Variants in MARCHF3 observed in about 807,000 individuals in gnomAD.
MARCHF3 encodes E3 ubiquitin-protein ligase MARCHF3.
MARCHF3 carries 13 observed loss-of-function variants against 24.2 expected under a neutral mutation model. The ratio of observed to expected loss-of-function variants is 0.54; its 90% confidence interval spans 0.35 to 0.85. MARCHF3 has a LOEUF of 0.85. MARCHF3 is among the 40% of genes least tolerant of loss of function. The pLI is 0.01. For missense variants in MARCHF3, 276 were observed against 325.0 expected (o/e 0.85, Z 1.16); for synonymous variants, 144 against 137.3 (o/e 1.05, Z -0.34).
chr5:127,001,945 G>A (rs1349385092), intron 1 of MARCHF3, among the ~76,000 whole-genome samples: 2 of 152,232 alleles, frequency 1.3e-5, no homozygotes, highest in African/African-American at 4.8e-5. Context: ...TACTTTATAG[G>A]AGACTCAAGG....
intron 1 of MARCHF3, among the ~76,000 whole-genome samples, chr5:126,963,210 C>T (rs981824386): frequency 6.6e-6 from 1 of 152,062 alleles, no homozygotes; most frequent in East Asian, 1.9e-4. Context: ...AATGACCAGT[C>T]TTATAGTTTG....
At chr5:126,990,350 A>T (rs1243031123) in intron 1 of MARCHF3, among the ~76,000 whole-genome samples, 1 of 152,174 alleles carries the variant, frequency 6.6e-6, no homozygotes, top group African/African-American at 2.4e-5. Context: ...CCATATGTAG[A>T]AAGCTGAAAC....
intron 1 of MARCHF3, among the ~76,000 whole-genome samples, chr5:126,947,727 TCAAA>T (rs779565607): frequency 5.1e-4 from 77 of 152,174 alleles, no homozygotes; most frequent in Non-Finnish European, 9.9e-4. Context: ...AAAAATGAAC[TCAAA>T]CAAATTGAAT....
intron 1 of MARCHF3, among the ~76,000 whole-genome samples, chr5:126,963,135 C>A (rs554007703): frequency 3.9e-5 from 6 of 152,212 alleles, no homozygotes; most frequent in African/African-American, 1.4e-4. Flanking sequence ...TGAGTAGCCA[C>A]TCAATAGAGT....
intron 2 of MARCHF3, among the ~76,000 whole-genome samples, chr5:126,917,667 T>C (rs958913572): frequency 6.6e-6 from 1 of 152,190 alleles, no homozygotes; most frequent in African/African-American, 2.4e-5. Flanking sequence ...AGGACCACCT[T>C]TGTTACCTAC....
At chr5:126,878,433 G>A (rs1362257357) in intron 3 of MARCHF3, 39 bp from the exon 4 acceptor site, 1 of 1,572,040 alleles carries the variant, frequency 6.4e-7, no homozygotes, top group Non-Finnish European at 8.7e-7. Flanking sequence ...CAAGGGAGAG[G>A]GTTAAATGCC....
intron 1 of MARCHF3, among the ~76,000 whole-genome samples, chr5:126,949,780 G>T (rs528777331): frequency 2.1e-4 from 32 of 152,252 alleles, no homozygotes; most frequent in African/African-American, 7.2e-4. Context: ...GGGATTAGGC[G>T]ATCTGAGAAG....
intron 1 of MARCHF3, among the ~76,000 whole-genome samples, chr5:126,919,037 A>G (rs1749009289): frequency 6.6e-6 from 1 of 152,228 alleles, no homozygotes; most frequent in Admixed American, 6.5e-5. Context: ...AGAACGTGAG[A>G]AAATAATGAA....
chr5:126,875,177 T>C (rs558705889), intron 4 of MARCHF3, among the ~76,000 whole-genome samples: 1 of 152,274 alleles, frequency 6.6e-6, no homozygotes, highest in African/African-American at 2.4e-5. Context: ...ACTTGTGACA[T>C]GGACAGTGAT....
chr5:127,000,510 A>C (rs951723277), intron 1 of MARCHF3, among the ~76,000 whole-genome samples: 1 of 152,116 alleles, frequency 6.6e-6, no homozygotes, highest in Non-Finnish European at 1.5e-5. Context: ...AACAAGTGGG[A>C]CCAGGGAGAA....
At chr5:126,980,375 C>CT (rs113887843) in intron 1 of MARCHF3, among the ~76,000 whole-genome samples, 1,827 of 142,806 alleles carry the variant, frequency 0.013, 25 homozygotes, top group East Asian at 0.03. Flanking sequence ...TGATTCATTC[C>CT]TTTTTTTTTT....
chr5:126,910,892 G>A (rs1464120446), intron 3 of MARCHF3, among the ~76,000 whole-genome samples: 4 of 152,162 alleles, frequency 2.6e-5, no homozygotes, highest in Admixed American at 6.5e-5. Context: ...GAGAAATATC[G>A]CTGAATTCTT....
chr5:126,977,803 C>T (rs377378634), intron 1 of MARCHF3, among the ~76,000 whole-genome samples: 4 of 152,138 alleles, frequency 2.6e-5, no homozygotes, highest in Non-Finnish European at 4.4e-5. Flanking sequence ...TCGGCCATTC[C>T]GAAATGCAAG....
In MARCHF3 at chr5:126,917,982, A is replaced by G; in HGVS notation, c.188+2T>C. On this transcript the variant is annotated splice_donor_variant, in intron 2 of 4. Transcript: ENST00000308660. LOFTEE classifies it high-confidence loss of function. Reference sequence around the variant, plus strand: ...ATTCATTTATTTTAATTGTGGTACTACCTCTGGGTGGCAAGAGTCCGCACT... The same window carrying G: ...ATTCATTTATTTTAATTGTGGTACTGCCTCTGGGTGGCAAGAGTCCGCACT... 1 of 1,612,558 alleles carries G rather than the reference A, an allele frequency of 6.2e-7. No homozygotes were observed. Among genetic ancestry groups the G allele is most frequent in the Non-Finnish European group, 8.5e-7 (1 of 1,179,386 alleles).
chr5:126,877,040 AG>A (rs1753185273), intron 4 of MARCHF3, among the ~76,000 whole-genome samples: 1 of 152,240 alleles, frequency 6.6e-6, no homozygotes, highest in East Asian at 1.9e-4. Flanking sequence ...CATAAGACTC[AG>A]ATAAGTTCTT....
intron 3 of MARCHF3, among the ~76,000 whole-genome samples, chr5:126,889,398 T>C (rs899274099): frequency 3.3e-5 from 5 of 151,952 alleles, no homozygotes; most frequent in African/African-American, 1.2e-4. Flanking sequence ...AAAAATAACA[T>C]TCAAAACCAG....
At position 126,868,200 on chromosome 5, in the gene MARCHF3, G is replaced by A. The variant is rs1322127131; in HGVS notation, c.*2433C>T. ...CAAAAGGCACCCCTTCCTGCAGGAGGTGTAGCCCTTTCCATGGGGCAAGGC... is the reference window on the plus strand; with the variant it reads ...CAAAAGGCACCCCTTCCTGCAGGAGATGTAGCCCTTTCCATGGGGCAAGGC... On this transcript the variant is annotated 3_prime_UTR_variant, in exon 5 of 5. Coordinates refer to ENST00000308660, the MANE Select transcript of MARCHF3 (RefSeq NM_178450.5). The A allele has an allele frequency of 6.6e-6, 1 of 151,926 alleles. No individual in the cohort carries two copies. The highest frequency in any genetic ancestry group is 1.5e-5 in the Non-Finnish European group (1 of 68,040). 9.4% of individuals were successfully genotyped at this position (151,926 alleles called of 1,614,324 possible).
chr5:126,896,000 GATATA>G (rs1423036148), intron 3 of MARCHF3, among the ~76,000 whole-genome samples: 4 of 152,164 alleles, frequency 2.6e-5, no homozygotes, highest in African/African-American at 4.8e-5. Context: ...CCAGGTGCGG[GATATA>G]ATCTGGTGCG....
At chr5:126,888,874 C>G (rs561040122) in intron 3 of MARCHF3, among the ~76,000 whole-genome samples, 4 of 152,322 alleles carry the variant, frequency 2.6e-5, no homozygotes, top group Non-Finnish European at 4.4e-5. Flanking sequence ...AAGCTATTCT[C>G]GTGCCTCAGC....
Sources: gnomAD v4.1 joint callset for allele counts (sites outside exome capture counted in the v4.1 genomes callset) on GRCh38, gnomAD v4.1.1 for gene constraint, MANE v1.5 for transcripts, NCBI Gene and HGNC (gene_info 2026-07-23, HGNC 2026-07-21) for gene names.